COL24A1: variants seen among roughly 807,000 people sequenced by gnomAD.
The protein encoded by COL24A1 is collagen alpha-1(XXIV) chain.
In COL24A1, 224 loss-of-function variants were observed where a neutral mutation model predicts 253.9. The observed-to-expected ratio is 0.88, with a 90% CI of 0.79 to 0.99. The LOEUF (loss-of-function observed/expected upper bound fraction) is 0.99. Ranked by LOEUF, COL24A1 falls within the 50% of genes least tolerant of loss-of-function variation. The probability of loss-of-function intolerance (pLI) is 0.00; values close to 1 mark genes in which losing one functional copy is unlikely to be tolerated. For missense variants in COL24A1, 2,131 were observed against 2,068.5 expected (o/e 1.03, Z -0.59); for synonymous variants, 685 against 673.7 (o/e 1.02, Z -0.26).
intron 23 of COL24A1, among the ~76,000 whole-genome samples, chr1:85,961,821 A>G (rs535742118): frequency 2.0e-5 from 3 of 152,240 alleles, no homozygotes; most frequent in African/African-American, 4.8e-5. Flanking sequence ...ACACGTTTAA[A>G]CTGTCAGATC....
chr1:86,116,769 C>T (rs1108308), intron 3 of COL24A1, among the ~76,000 whole-genome samples: 115,337 of 152,020 alleles, frequency 0.76, 43,744 homozygotes, highest in Middle Eastern at 0.86. Context: ...TTTAGTTGCA[C>T]TTTTTTCTCT....
intron 47 of COL24A1, among the ~76,000 whole-genome samples, chr1:85,804,707 C>T (rs1671785392): frequency 6.6e-6 from 1 of 152,096 alleles, no homozygotes; most frequent in South Asian, 2.1e-4. Context: ...ATGAGAAAGA[C>T]CCACTCCCAC....
intron 12 of COL24A1, among the ~76,000 whole-genome samples, chr1:86,043,161 C>A (rs1167079639): frequency 6.6e-6 from 1 of 152,004 alleles, no homozygotes; most frequent in Non-Finnish European, 1.5e-5. Flanking sequence ...TTATAGATTT[C>A]TCTAAAAATA....
chr1:85,848,601 C>T (rs531037212), intron 38 of COL24A1, among the ~76,000 whole-genome samples: 67 of 152,248 alleles, frequency 4.4e-4, no homozygotes, highest in African/African-American at 1.5e-3. Flanking sequence ...TGAGCCACTG[C>T]GCCCAGCCAA....
chr1:85,766,368 C>CAAAAAAAAAAAAAAAAAAAAA (rs1319642983), intron 53 of COL24A1, among the ~76,000 whole-genome samples: 2 of 66,290 alleles, frequency 3.0e-5, no homozygotes, highest in Non-Finnish European at 2.6e-5. Flanking sequence ...GACTCTGTCT[C>CAAAAAAAAAAAAAAAAAAAAA]AAAAAAAAAA....
At chr1:85,775,772 A>T (rs1426033791) in intron 52 of COL24A1, 63 bp from the exon 53 acceptor site, 5 of 1,334,802 alleles carry the variant, frequency 3.7e-6, no homozygotes, top group Non-Finnish European at 5.3e-6. Context: ...AATGTAGCTG[A>T]GGTCATTATA....
At chr1:85,960,782 G>T (rs1285566618) in intron 24 of COL24A1, 1 of 158,482 alleles carries the variant, frequency 6.3e-6, no homozygotes, top group Non-Finnish European at 1.4e-5. Flanking sequence ...ATCCCGGGAG[G>T]CTGAGGCAGG....
intron 47 of COL24A1, among the ~76,000 whole-genome samples, chr1:85,800,973 C>T (rs961864169): frequency 2.0e-5 from 3 of 152,096 alleles, no homozygotes; most frequent in Admixed American, 6.5e-5. Flanking sequence ...AATGCATCTA[C>T]AACATCAACA....
At chr1:85,952,565 T>C (rs551766347) in intron 24 of COL24A1, among the ~76,000 whole-genome samples, 2 of 152,360 alleles carry the variant, frequency 1.3e-5, no homozygotes, top group South Asian at 2.1e-4. Flanking sequence ...ATATGGTAGA[T>C]TCATTTAACA....
At chr1:85,792,873 A>G (rs2101685966) in intron 47 of COL24A1, among the ~76,000 whole-genome samples, 1 of 152,252 alleles carries the variant, frequency 6.6e-6, no homozygotes, top group Admixed American at 6.5e-5. Context: ...AGTTACCTTT[A>G]GTGGTAATCA....
chr1:86,026,170 G>T (rs1698007055), intron 14 of COL24A1, among the ~76,000 whole-genome samples: 1 of 152,176 alleles, frequency 6.6e-6, no homozygotes, highest in African/African-American at 2.4e-5. Context: ...ATGTAAAATG[G>T]AAGTAACAAT....
At chr1:85,893,141 A>C (rs1350139094) in intron 31 of COL24A1, among the ~76,000 whole-genome samples, 1 of 152,152 alleles carries the variant, frequency 6.6e-6, no homozygotes, top group Non-Finnish European at 1.5e-5. Context: ...ATAGGTTGAA[A>C]GTAAATTAAG....
intron 53 of COL24A1, among the ~76,000 whole-genome samples, chr1:85,765,261 T>C (rs1267733261): frequency 6.6e-6 from 1 of 152,044 alleles, no homozygotes; most frequent in Non-Finnish European, 1.5e-5. Flanking sequence ...AAAATGTCAA[T>C]GGGATGTTTC....
At chr1:85,732,799 A>G (rs939560799) in intron 59 of COL24A1, among the ~76,000 whole-genome samples, 6 of 152,326 alleles carry the variant, frequency 3.9e-5, no homozygotes, top group Middle Eastern at 3.4e-3. Flanking sequence ...TATTATGAAT[A>G]AAATAATTAA....
chr1:85,830,966 A>C (rs936133626), intron 43 of COL24A1, among the ~76,000 whole-genome samples: 1 of 152,092 alleles, frequency 6.6e-6, no homozygotes, highest in African/African-American at 2.4e-5. Context: ...TTATTCTTAC[A>C]GCAAAGTCAG....
intron 43 of COL24A1, among the ~76,000 whole-genome samples, chr1:85,837,580 T>C (rs1032547404): frequency 3.3e-5 from 5 of 152,120 alleles, no homozygotes; most frequent in African/African-American, 9.7e-5. Context: ...AGAAGACATA[T>C]GCCAAGTGGG....
intron 52 of COL24A1, among the ~76,000 whole-genome samples, 167 bp downstream of exon 52, chr1:85,781,053 T>C (rs1227306348): frequency 6.6e-6 from 1 of 152,156 alleles, no homozygotes; most frequent in East Asian, 1.9e-4. Context: ...ACTGTCTTCA[T>C]TACACATATG....
intron 28 of COL24A1, among the ~76,000 whole-genome samples, chr1:85,899,206 A>G (rs1234812432): frequency 6.6e-6 from 1 of 152,128 alleles, no homozygotes; most frequent in Non-Finnish European, 1.5e-5. Context: ...AAAGAAACAC[A>G]GCTAATTTTT....
chr1:85,976,830 A>G (rs1334287133), intron 20 of COL24A1, among the ~76,000 whole-genome samples: 1 of 152,226 alleles, frequency 6.6e-6, no homozygotes, highest in African/African-American at 2.4e-5. Context: ...CCAAGGAAGG[A>G]GAAAACAACA....
Sources: allele counts gnomAD v4.1 joint callset (sites outside exome capture counted in the v4.1 genomes callset), GRCh38; gene constraint gnomAD v4.1.1; transcripts MANE v1.5; gene names NCBI Gene and HGNC (gene_info 2026-07-23, HGNC 2026-07-21).